ZBTB37: variants seen among roughly 807,000 people sequenced by gnomAD.
ZBTB37 encodes the protein zinc finger and BTB domain-containing protein 37.
ZBTB37 carries 15 observed loss-of-function variants against 37.7 expected under a neutral mutation model. The observed-to-expected ratio is 0.40, with a 90% confidence interval of 0.27 to 0.61. ZBTB37 has a LOEUF of 0.61. Ranked by LOEUF, ZBTB37 falls within the 20% of genes least tolerant of loss-of-function variation. The probability of loss-of-function intolerance (pLI) is 0.44; values close to 1 mark genes in which losing one functional copy is unlikely to be tolerated. For missense variants in ZBTB37, 514 were observed against 641.9 expected (o/e 0.80, Z 2.15); for synonymous variants, 231 against 220.6 (o/e 1.05, Z -0.42).
exon 4 of ZBTB37, chr1:173,897,373 A>T (rs556745379): frequency 6.6e-6 from 1 of 152,344 alleles, no homozygotes; most frequent in African/African-American, 2.4e-5. Flanking sequence ...CACCCACTTA[A>T]TGCAGCTTTT....
chr1:173,894,186 T>G (rs1656958280), exon 4 of ZBTB37: 1 of 152,168 alleles, frequency 6.6e-6, no homozygotes, highest in Non-Finnish European at 1.5e-5. Context: ...TAATAGTGAG[T>G]GAGGTACTAT....
At chr1:173,885,708 T>C (rs1247968658) in exon 5 of ZBTB37, 1 of 1,551,752 alleles carries the variant, frequency 6.4e-7, no homozygotes, top group African/African-American at 1.4e-5. Flanking sequence ...ATCTGAGCGG[T>C]GGTTCCGGTA....
chr1:173,893,190 A>T (rs1247515364), exon 4 of ZBTB37: 2 of 152,238 alleles, frequency 1.3e-5, no homozygotes, highest in Admixed American at 6.5e-5. Context: ...GGCATGAACC[A>T]CTGCACCCAG....
chr1:173,892,614 C>T (rs936862774), exon 4 of ZBTB37: 5 of 152,162 alleles, frequency 3.3e-5, no homozygotes, highest in Admixed American at 1.3e-4. Context: ...TCAACTGTGA[C>T]ACAGCAGTGA....
chr1:173,875,329 TA>T (rs1230207052), intron 4 of ZBTB37, among the ~76,000 whole-genome samples: 145 of 89,838 alleles, frequency 1.6e-3, no homozygotes, highest in Admixed American at 2.4e-3. Context: ...TATATATATA[TA>T]TTTTTTTTTT....
At chr1:173,882,202 T>A (rs1230806160) in intron 4 of ZBTB37, among the ~76,000 whole-genome samples, 1 of 151,676 alleles carries the variant, frequency 6.6e-6, no homozygotes, top group Non-Finnish European at 1.5e-5. Context: ...TTTTCTCCCA[T>A]TCTATAGGTT....
chr1:173,876,272 A>G (rs575651472), intron 4 of ZBTB37, among the ~76,000 whole-genome samples: 2 of 152,282 alleles, frequency 1.3e-5, no homozygotes, highest in African/African-American at 2.4e-5. Context: ...TAGCCTCTGC[A>G]TTACACTGAT....
chr1:173,885,552 C>A, intron 4 of ZBTB37, 84 bp from the exon 5 acceptor site: 1 of 1,172,166 alleles, frequency 8.5e-7, no homozygotes, highest in South Asian at 1.6e-5. Context: ...ATCTTAGTAA[C>A]AAGTAAAAAT....
chr1:173,881,654 G>A (rs1248127666), intron 4 of ZBTB37, among the ~76,000 whole-genome samples: 1 of 152,150 alleles, frequency 6.6e-6, no homozygotes, highest in Non-Finnish European at 1.5e-5. Context: ...ATTCTAACTG[G>A]TGTGAGATGG....
chr1:173,882,290 G>A (rs1656365942), intron 4 of ZBTB37, among the ~76,000 whole-genome samples: 1 of 133,842 alleles, frequency 7.5e-6, no homozygotes, highest in African/African-American at 2.8e-5. Flanking sequence ...CGTCCAGGCT[G>A]GAGTGCAGTG....
chr1:173,886,424 A>T (rs1656626436), exon 5 of ZBTB37: 1 of 350,814 alleles, frequency 2.9e-6, no homozygotes, highest in Non-Finnish European at 5.3e-6. Flanking sequence ...AACGATGATG[A>T]TAAATGGTCA....
exon 5 of ZBTB37, chr1:173,885,909 G>A: frequency 6.4e-7 from 1 of 1,551,868 alleles, no homozygotes; most frequent in East Asian, 2.4e-5. Context: ...TCACTGTCAT[G>A]TCTGTGGCAA....
chr1:173,879,099 A>C (rs1472048879), intron 4 of ZBTB37, among the ~76,000 whole-genome samples: 1 of 151,952 alleles, frequency 6.6e-6, no homozygotes, highest in Non-Finnish European at 1.5e-5. Flanking sequence ...CTCAAAAAAA[A>C]AAAAAAAAAA....
At chr1:173,879,416 G>A (rs1656174017) in intron 4 of ZBTB37, among the ~76,000 whole-genome samples, 1 of 152,086 alleles carries the variant, frequency 6.6e-6, no homozygotes, top group Admixed American at 6.6e-5. Flanking sequence ...GGGGTCGATG[G>A]AAAAGAGGGA....
At chr1:173,895,750 A>G (rs954525602) in exon 4 of ZBTB37, 1 of 152,216 alleles carries the variant, frequency 6.6e-6, no homozygotes, top group African/African-American at 2.4e-5. Flanking sequence ...CTCTCATTTA[A>G]AATAACAGAT....
chr1:173,886,411 C>A, exon 5 of ZBTB37: 1 of 390,264 alleles, frequency 2.6e-6, no homozygotes, highest in Non-Finnish European at 4.6e-6. Context: ...GGTTTTTTAA[C>A]AAAACGATGA....
intron 4 of ZBTB37, among the ~76,000 whole-genome samples, chr1:173,881,871 G>A (rs1262867180): frequency 1.1e-4 from 16 of 152,002 alleles, no homozygotes; most frequent in Non-Finnish European, 1.6e-4. Context: ...TGGCTAACAC[G>A]GTGAAACCCT....
intron 4 of ZBTB37, among the ~76,000 whole-genome samples, chr1:173,882,501 A>G (rs1656388519): frequency 6.6e-6 from 1 of 151,874 alleles, no homozygotes; most frequent in South Asian, 2.1e-4. Flanking sequence ...CGGCCTCCCA[A>G]AGTGCTAGGA....
chr1:173,873,639 A>G, intron 4 of ZBTB37, 73 bp downstream of exon 4: 1 of 1,587,282 alleles, frequency 6.3e-7, no homozygotes, highest in Non-Finnish European at 8.6e-7. Context: ...GAAAATAATG[A>G]AAAAGAAAAG....
Sources: gnomAD v4.1 joint callset for allele counts (sites outside exome capture counted in the v4.1 genomes callset) on GRCh38, gnomAD v4.1.1 for gene constraint, MANE v1.5 for transcripts, NCBI Gene and HGNC (gene_info 2026-07-23, HGNC 2026-07-21) for gene names.